Variants in AUTS2 observed in about 807,000 individuals in gnomAD.
AUTS2 encodes activator of transcription and developmental regulator AUTS2, also known as autism susceptibility gene 2 protein.
Under a neutral mutation model 112.4 loss-of-function variants are expected in AUTS2, and 17 were observed. The ratio of observed to expected loss-of-function variants is 0.15; its 90% CI spans 0.10 to 0.23. AUTS2 has a LOEUF of 0.23. AUTS2 is among the 10% of genes least tolerant of loss of function. The pLI, the probability that AUTS2 is intolerant of heterozygous loss-of-function variation, is 1.00. For synonymous variants in AUTS2, 751 were observed against 702.7 expected (o/e 1.07, Z -1.09); for missense variants, 1,510 against 1,701.6 (o/e 0.89, Z 1.98).
intron 5 of AUTS2, among the ~76,000 whole-genome samples, chr7:70,460,567 T>G (rs1796923190): frequency 6.6e-6 from 1 of 151,850 alleles, no homozygotes; most frequent in Non-Finnish European, 1.5e-5. Context: ...GCCAGGCTGG[T>G]CTCGAACTCC....
intron 4 of AUTS2, among the ~76,000 whole-genome samples, chr7:70,390,564 C>T (rs1201040936): frequency 6.6e-6 from 1 of 151,940 alleles, no homozygotes; most frequent in Non-Finnish European, 1.5e-5. Context: ...ACTCAGCACT[C>T]AGGGCTCTAG....
chr7:70,779,378 G>A lies in AUTS2; in HGVS notation c.2004+2204G>A, dbSNP rs74434354. ...CAGGTTCCTTACTGTGGCGGGCTGG[G>A]GGCATGCATCCTTCCTGGCGTCTAG... On this transcript the variant is annotated intron_variant, in intron 14 of 18. Coordinates refer to ENST00000342771, the MANE Select transcript of AUTS2 (RefSeq NM_015570.4). Among the ~76,000 whole-genome samples, 1,209 of 152,320 alleles carry A rather than the reference G, an allele frequency of 7.9e-3. 16 individuals are homozygous for A. Among genetic ancestry groups the A allele is most frequent in the African/African-American group, 0.028 (1,146 of 41,566 alleles).
At chr7:70,050,004 A>G (rs760904749) in intron 2 of AUTS2, among the ~76,000 whole-genome samples, 1 of 152,184 alleles carries the variant, frequency 6.6e-6, no homozygotes, top group Non-Finnish European at 1.5e-5. Flanking sequence ...ATTTAGGGCT[A>G]AAGAAATTAT....
At chr7:70,647,980 G>A (rs1012726818) in intron 5 of AUTS2, among the ~76,000 whole-genome samples, 4 of 152,200 alleles carry the variant, frequency 2.6e-5, no homozygotes, top group African/African-American at 9.7e-5. Flanking sequence ...ATGGCCTGAT[G>A]TAGTGGTAGG....
chr7:70,169,917 C>G (rs1291434513), intron 4 of AUTS2, among the ~76,000 whole-genome samples: 2 of 152,090 alleles, frequency 1.3e-5, no homozygotes, highest in Non-Finnish European at 2.9e-5. Flanking sequence ...GGGTTCCTTA[C>G]AAAACTTTAT....
intron 4 of AUTS2, among the ~76,000 whole-genome samples, chr7:70,204,238 G>A (rs1337642225): frequency 1.3e-5 from 2 of 151,962 alleles, no homozygotes; most frequent in Non-Finnish European, 2.9e-5. Context: ...ATATCTTTAG[G>A]GGAAATATAT....
intron 5 of AUTS2, among the ~76,000 whole-genome samples, chr7:70,638,206 A>G (rs571755777): frequency 6.6e-6 from 1 of 152,278 alleles, no homozygotes; most frequent in African/African-American, 2.4e-5. Context: ...TTCATGTAAA[A>G]GAATAGTAAT....
intron 5 of AUTS2, among the ~76,000 whole-genome samples, chr7:70,676,940 G>A (rs140976287): frequency 1.6e-4 from 24 of 151,788 alleles, no homozygotes; most frequent in African/African-American, 4.8e-4. Context: ...TTCAAAAATC[G>A]TCTGTACATA....
At chr7:70,629,957 A>G (rs923489023) in intron 5 of AUTS2, among the ~76,000 whole-genome samples, 1 of 152,114 alleles carries the variant, frequency 6.6e-6, no homozygotes, top group African/African-American at 2.4e-5. Context: ...TGGATCATTT[A>G]TATGTCATGC....
Position 70,429,093 on chromosome 7 carries a change from C to G in AUTS2, c.661-6659C>G, listed in dbSNP as rs530908195. ...TCCCTCAGTATGTTCACACATACAT[C>G]TCTTTGCGTTAAGCAGTCATATTAG... On this transcript the variant is annotated intron_variant, in intron 4 of 18. Coordinates refer to ENST00000342771, the MANE Select transcript of AUTS2 (RefSeq NM_015570.4). 4.3e-4 allele frequency among the ~76,000 whole-genome samples: 65 copies of G among 152,374 alleles called. 1 individual carries two copies. In the South Asian group the frequency reaches 7.5e-3, roughly 17 times the overall value.
intron 1 of AUTS2, among the ~76,000 whole-genome samples, chr7:69,679,834 A>T (rs1763378175): frequency 6.6e-6 from 1 of 152,202 alleles, no homozygotes; most frequent in South Asian, 2.1e-4. Flanking sequence ...TTTTAACTGG[A>T]TGAAATGGTT....
chr7:69,838,219 T>G (rs1791811752), intron 1 of AUTS2, among the ~76,000 whole-genome samples: 1 of 152,200 alleles, frequency 6.6e-6, no homozygotes. Context: ...TGCATGAAGT[T>G]AGAAGAATTT....
chr7:69,999,586 T>A (rs146515516), intron 2 of AUTS2, among the ~76,000 whole-genome samples: 7 of 152,188 alleles, frequency 4.6e-5, no homozygotes, highest in Admixed American at 4.6e-4. Context: ...GAGAGCACAG[T>A]GATGACCACT....
At chr7:70,116,854 T>C (rs1805381674) in intron 2 of AUTS2, among the ~76,000 whole-genome samples, 2 of 152,348 alleles carry the variant, frequency 1.3e-5, no homozygotes, top group Non-Finnish European at 2.9e-5. Flanking sequence ...GCTTATCTTT[T>C]ACTGCCTTTT....
chr7:69,855,313 C>G (rs1282327350), intron 1 of AUTS2, among the ~76,000 whole-genome samples: 1 of 152,100 alleles, frequency 6.6e-6, no homozygotes, highest in Non-Finnish European at 1.5e-5. Flanking sequence ...TCTGTTTTAT[C>G]TCTGTGGTAT....
chr7:69,971,961 T>C (rs1228437695), intron 2 of AUTS2, among the ~76,000 whole-genome samples: 1 of 152,168 alleles, frequency 6.6e-6, no homozygotes, highest in African/African-American at 2.4e-5. Context: ...AGTTGCTGGG[T>C]AGTATGTATA....
chr7:70,429,473 G>A (rs1023976386), intron 4 of AUTS2, among the ~76,000 whole-genome samples: 1 of 152,224 alleles, frequency 6.6e-6, no homozygotes, highest in Non-Finnish European at 1.5e-5. Flanking sequence ...GAAACTTGGA[G>A]GAATAGAATT....
chr7:69,614,896 T>C (rs1351597972), intron 1 of AUTS2, among the ~76,000 whole-genome samples: 1 of 152,230 alleles, frequency 6.6e-6, no homozygotes, highest in Non-Finnish European at 1.5e-5. Context: ...TGCCCCTTTG[T>C]ATGTCCCGAA....
At chr7:70,229,414 T>C (rs1210581273) in intron 4 of AUTS2, among the ~76,000 whole-genome samples, 7 of 152,136 alleles carry the variant, frequency 4.6e-5, no homozygotes, top group African/African-American at 1.7e-4. Flanking sequence ...TTCCATTATT[T>C]CTGATTGGAA....
Sources: allele counts gnomAD v4.1 joint callset (sites outside exome capture counted in the v4.1 genomes callset), GRCh38; gene constraint gnomAD v4.1.1; transcripts MANE v1.5; gene names NCBI Gene and HGNC (gene_info 2026-07-23, HGNC 2026-07-21).